The following IARS1 variants were observed in gnomAD, a reference collection of about 807,000 sequenced individuals.
The protein encoded by IARS1 is isoleucyl-tRNA synthetase 1, also known as isoleucine--tRNA ligase, cytoplasmic.
Under a neutral mutation model 168.2 loss-of-function variants are expected in IARS1, and 124 were observed. That is an observed-to-expected ratio of 0.74 (90% CI 0.64 to 0.86). The LOEUF (loss-of-function observed/expected upper bound fraction) is 0.86. Among genes scored for constraint, IARS1 ranks in the 40% least tolerant of loss-of-function variants. The pLI is 0.00. For synonymous variants in IARS1, 532 were observed against 529.4 expected (o/e 1.00, Z -0.07); for missense variants, 1,452 against 1,515.8 (o/e 0.96, Z 0.70).
chr9:92,290,516 T>C (rs1836156122), intron 1 of IARS1, among the ~76,000 whole-genome samples: 1 of 152,186 alleles, frequency 6.6e-6, no homozygotes, highest in Non-Finnish European at 1.5e-5. Flanking sequence ...TTGATGGCAT[T>C]TTTTGAAGCA....
At chr9:92,218,849 A>T (rs1232934967) in intron 33 of IARS1, among the ~76,000 whole-genome samples, 1 of 151,608 alleles carries the variant, frequency 6.6e-6, no homozygotes, top group African/African-American at 2.4e-5. Context: ...ATACTGCCCA[A>T]GGTAATTTAT....
At position 92,288,157 on chromosome 9, in the gene IARS1, C is replaced by G. The variant is rs749392608; in HGVS notation, c.245G>C (p.Arg82Thr). The change falls in exon 3 of 34, where the codon AGA becomes ACA. Residue 82 changes from arginine (R) to threonine (T), a missense_variant. Coordinates refer to ENST00000443024, the MANE Select transcript of IARS1 (RefSeq NM_002161.6). ...TAAGCCATGGCAATCCCATCCAAAT[C>G]TTCTGTCAACATGAAACCCACTCTG... The part of the protein sequence containing the change: ...AHQSGFHVDR[R>T]FGWDCHGLPV... The G allele has an allele frequency of 1.2e-6, 2 of 1,614,036 alleles. No homozygotes were observed. Among genetic ancestry groups the G allele is most frequent in the Non-Finnish European group, 8.5e-7 (1 of 1,179,964 alleles).
chr9:92,293,613 G>C lies in IARS1; in HGVS notation c.-10C>G, dbSNP rs1836763585. On this transcript the variant is annotated splice_region_variant and 5_prime_UTR_variant, in exon 1 of 34. Coordinates refer to ENST00000443024, the MANE Select transcript of IARS1 (RefSeq NM_002161.6). Reference sequence around the variant, plus strand: ...CCTGCAGGGAAGAGAGGGCGTACCTGAGGGGCCTCGCGTGCCTGGACAGCC... The same window carrying C: ...CCTGCAGGGAAGAGAGGGCGTACCTCAGGGGCCTCGCGTGCCTGGACAGCC... The C allele has an allele frequency of 2.8e-6, 1 of 353,386 alleles. No homozygotes were observed. The highest frequency in any genetic ancestry group is 5.9e-6 in the Non-Finnish European group (1 of 169,520). 21.9% of individuals were successfully genotyped at this position (353,386 alleles called of 1,614,324 possible).
chr9:92,281,064 T>G (rs1197699492), intron 6 of IARS1, among the ~76,000 whole-genome samples, 171 bp from the exon 7 acceptor site: 1 of 151,686 alleles, frequency 6.6e-6, no homozygotes, highest in Non-Finnish European at 1.5e-5. Context: ...AAAAAATTTT[T>G]AAATACTTTA....
intron 17 of IARS1, among the ~76,000 whole-genome samples, chr9:92,260,582 G>A (rs577087837): frequency 1.3e-5 from 2 of 152,268 alleles, no homozygotes; most frequent in East Asian, 1.9e-4. Flanking sequence ...CTGAACCTGA[G>A]AGGCAGAGAT....
intron 6 of IARS1, among the ~76,000 whole-genome samples, chr9:92,281,255 T>A (rs1834516561): frequency 6.6e-6 from 1 of 151,594 alleles, no homozygotes; most frequent in African/African-American, 2.4e-5. Flanking sequence ...TGCCTCAGCC[T>A]CCCGAGTAGC....
At chr9:92,284,364 T>C (rs1264409691) in intron 6 of IARS1, among the ~76,000 whole-genome samples, 3 of 151,620 alleles carry the variant, frequency 2.0e-5, no homozygotes, top group Non-Finnish European at 2.9e-5. Context: ...GGAAAGAATA[T>C]GTGTATGAAT....
intron 1 of IARS1, 143 bp from the exon 2 acceptor site, chr9:92,289,569 T>C (rs1835993937): frequency 1.7e-6 from 1 of 593,674 alleles, no homozygotes; most frequent in African/African-American, 1.9e-5. Context: ...CATAGTGTAA[T>C]GTAAAAAGTG....
intron 30 of IARS1, among the ~76,000 whole-genome samples, chr9:92,237,911 T>C (rs1827776403): frequency 6.6e-6 from 1 of 152,192 alleles, no homozygotes; most frequent in African/African-American, 2.4e-5. Context: ...TCATTTGTTC[T>C]GCTTGTTTTT....
At chr9:92,277,009 T>G (rs1833864207) in intron 9 of IARS1, among the ~76,000 whole-genome samples, 1 of 152,232 alleles carries the variant, frequency 6.6e-6, no homozygotes, top group Non-Finnish European at 1.5e-5. Context: ...TGTGTTTACC[T>G]TTCCACATGA....
chr9:92,222,803 C>T (rs765464139), intron 32 of IARS1, 131 bp from the exon 33 acceptor site: 68 of 715,046 alleles, frequency 9.5e-5, no homozygotes, highest in Non-Finnish European at 1.2e-4. Flanking sequence ...TGAGTGTGAC[C>T]GCTGAAGATG....
At chr9:92,213,069 T>G (rs550727411) in intron 33 of IARS1, among the ~76,000 whole-genome samples, 1 of 151,488 alleles carries the variant, frequency 6.6e-6, no homozygotes, top group Non-Finnish European at 1.5e-5. Context: ...CAAGAAGAAA[T>G]AGAGCTTTAG....
At chr9:92,249,763 A>G in intron 25 of IARS1, 95 bp downstream of exon 25, 1 of 624,950 alleles carries the variant, frequency 1.6e-6, no homozygotes. Flanking sequence ...ACTAATAAAA[A>G]TAAATTATAG....
intron 16 of IARS1, among the ~76,000 whole-genome samples, chr9:92,264,627 C>A (rs1165745497): frequency 1.3e-5 from 2 of 152,146 alleles, no homozygotes; most frequent in Admixed American, 1.3e-4. Context: ...AATGATCTGA[C>A]GTAAGCTAAG....
At chr9:92,227,380 G>A (rs1423034578) in intron 31 of IARS1, among the ~76,000 whole-genome samples, 4 of 149,548 alleles carry the variant, frequency 2.7e-5, no homozygotes, top group Non-Finnish European at 1.5e-5. Context: ...CAGTAGGGGC[G>A]GCCGGGCAGA....
At position 92,268,064 on chromosome 9, in the gene IARS1, A is replaced by G. The variant is rs1428206780; in HGVS notation, c.1431+110T>C. ...AGGAATAAAGAGGAAAAAAGATGAA[A>G]TAAGAAAGGGGCAAAGAAAAAAACA... is the stretch of plus-strand genomic sequence containing the variant. On this transcript the variant is annotated intron_variant, in intron 14 of 33. Coordinates refer to ENST00000443024, the MANE Select transcript of IARS1 (RefSeq NM_002161.6). 4 of 1,158,994 alleles carry G rather than the reference A, an allele frequency of 3.5e-6. No homozygotes were observed. The African/African-American group carries it at 4.8e-5, about 14-fold the overall frequency. The allele number at this position is 1,158,994 out of a possible 1,614,324, so 71.8% of individuals were successfully genotyped here. A position where few individuals can be genotyped will look rare whatever the true frequency, so the allele number is the denominator to read the frequency against.
At chr9:92,242,442 G>C (rs1828576670) in intron 28 of IARS1, 112 bp from the exon 29 acceptor site, 1 of 779,618 alleles carries the variant, frequency 1.3e-6, no homozygotes, top group African/African-American at 1.8e-5. Flanking sequence ...ATCACAGAAG[G>C]GCAGTCACCC....
At chr9:92,244,032 A>T (rs1352370312) in intron 27 of IARS1, among the ~76,000 whole-genome samples, 2 of 152,216 alleles carry the variant, frequency 1.3e-5, no homozygotes, top group African/African-American at 4.8e-5. Flanking sequence ...GACTCACTTC[A>T]TAAAGGCATC....
intron 16 of IARS1, among the ~76,000 whole-genome samples, chr9:92,264,036 T>C (rs1831917671): frequency 6.6e-6 from 1 of 151,762 alleles, no homozygotes; most frequent in Non-Finnish European, 1.5e-5. Context: ...TTACTGTGAA[T>C]GTATAATTAA....
Sources: allele counts gnomAD v4.1 joint callset (sites outside exome capture counted in the v4.1 genomes callset), GRCh38; gene constraint gnomAD v4.1.1; transcripts MANE v1.5; gene names NCBI Gene and HGNC (gene_info 2026-07-23, HGNC 2026-07-21).